TENM3: variants seen among roughly 807,000 people sequenced by gnomAD.
The protein encoded by TENM3 is teneurin-3.
Under a neutral mutation model 255.1 loss-of-function variants are expected in TENM3, and 63 were observed. The ratio of observed to expected loss-of-function variants is 0.25; its 90% CI spans 0.20 to 0.30. The LOEUF (loss-of-function observed/expected upper bound fraction) is 0.30. TENM3 is among the 10% of genes least tolerant of loss of function. The pLI is 1.00. For synonymous variants in TENM3, 1,306 were observed against 1,322.3 expected, an observed-to-expected ratio of 0.99 and a Z score of 0.27; for missense variants, 2,929 against 3,461.1, an observed-to-expected ratio of 0.85 and a Z score of 3.86.
chr4:182,481,594 C>T (rs114309217), intron 3 of TENM3, among the ~76,000 whole-genome samples: 2,528 of 150,986 alleles, frequency 0.017, 94 homozygotes, highest in African/African-American at 0.058. Context: ...CAGGCGTTCA[C>T]GACCGGCCTG....
At chr4:181,579,384 T>A in the TENM3 span, among the ~76,000 whole-genome samples, 117 of 152,312 alleles carry the variant, frequency 7.7e-4, no homozygotes, top group South Asian at 2.3e-3. Context: ...CTAGCTCGAA[T>A]TTTGTAATTT....
chr4:182,368,638 G>A (rs538611039), intron 3 of TENM3, among the ~76,000 whole-genome samples: 2 of 152,294 alleles, frequency 1.3e-5, no homozygotes, highest in East Asian at 3.9e-4. Flanking sequence ...TGTTGTCATA[G>A]TTTCACCTGT....
the TENM3 span, among the ~76,000 whole-genome samples, chr4:181,834,652 A>G: frequency 6.6e-6 from 1 of 152,184 alleles, no homozygotes. Flanking sequence ...CCAACCTGAG[A>G]GTGATCCTGT....
At chr4:181,547,214 A>T in the TENM3 span, among the ~76,000 whole-genome samples, 1 of 152,212 alleles carries the variant, frequency 6.6e-6, no homozygotes, top group Non-Finnish European at 1.5e-5. Context: ...ACCATAATTA[A>T]TATCTTCAGA....
intron 24 of TENM3, among the ~76,000 whole-genome samples, chr4:182,775,956 TGATA>T (rs60739992): frequency 0.011 from 1,660 of 151,130 alleles, 32 homozygotes; most frequent in African/African-American, 0.033. Flanking sequence ...GATATGTAGA[TGATA>T]GATAGATAGA....
intron 1 of TENM3, among the ~76,000 whole-genome samples, chr4:182,259,399 A>G (rs1758636883): frequency 6.6e-6 from 1 of 152,090 alleles, no homozygotes; most frequent in Non-Finnish European, 1.5e-5. Flanking sequence ...TGCAGCCTCA[A>G]CCTCTGGGCT....
At chr4:181,894,776 G>A in the TENM3 span, among the ~76,000 whole-genome samples, 5 of 151,770 alleles carry the variant, frequency 3.3e-5, no homozygotes, top group Non-Finnish European at 4.4e-5. Flanking sequence ...TCCAGCTTAC[G>A]ATAGAATGAT....
the TENM3 span, among the ~76,000 whole-genome samples, chr4:181,501,891 CGAGCCGGGACAT>C: frequency 1.6e-4 from 25 of 152,184 alleles, no homozygotes; most frequent in South Asian, 1.9e-3. Context: ...AGCTACAGGG[CGAGCCGGGACAT>C]AAGTCAGGAG....
the TENM3 span, among the ~76,000 whole-genome samples, chr4:181,734,752 C>T: frequency 6.6e-6 from 1 of 152,244 alleles, no homozygotes; most frequent in Middle Eastern, 3.4e-3. Context: ...ATAAGAGATA[C>T]AAGCCTTAGC....
the TENM3 span, among the ~76,000 whole-genome samples, chr4:182,071,999 G>A: frequency 0.71 from 108,155 of 152,110 alleles, 39,164 homozygotes; most frequent in East Asian, 0.87. Context: ...AACACATTGC[G>A]GAGAAATGTT....
chr4:182,159,596 C>T (rs1016870916), intron 1 of TENM3, among the ~76,000 whole-genome samples: 2 of 152,104 alleles, frequency 1.3e-5, no homozygotes. Context: ...TGTATTTGGC[C>T]TGTCACCTAG....
the TENM3 span, among the ~76,000 whole-genome samples, chr4:182,031,354 A>G: frequency 6.6e-6 from 1 of 152,202 alleles, no homozygotes; most frequent in Non-Finnish European, 1.5e-5. Flanking sequence ...GTTGAAAATC[A>G]GATGGTTGTA....
intron 1 of TENM3, among the ~76,000 whole-genome samples, chr4:182,304,558 T>A (rs1762033793): frequency 6.6e-6 from 1 of 152,070 alleles, no homozygotes; most frequent in Non-Finnish European, 1.5e-5. Context: ...CTCATCAAAG[T>A]TCACATCAAT....
At chr4:181,941,311 GT>G in the TENM3 span, among the ~76,000 whole-genome samples, 8,962 of 119,568 alleles carry the variant, frequency 0.075, 375 homozygotes, top group Middle Eastern at 0.18. Context: ...TTTGTTTGAT[GT>G]TTTTTTTTTT....
chr4:182,612,746 GACACACAC>G (rs34378103), intron 4 of TENM3, among the ~76,000 whole-genome samples: 1 of 150,756 alleles, frequency 6.6e-6, no homozygotes, highest in African/African-American at 2.4e-5. Flanking sequence ...AATACACACA[GACACACAC>G]ACACACACAC....
intron 1 of TENM3, among the ~76,000 whole-genome samples, chr4:182,303,897 C>G (rs531039461): frequency 6.6e-6 from 1 of 152,190 alleles, no homozygotes; most frequent in East Asian, 1.9e-4. Context: ...ATTTTTAATT[C>G]GAAGCTTTCC....
At chr4:182,755,693 A>T (rs1284412265) in intron 22 of TENM3, among the ~76,000 whole-genome samples, 1 of 151,850 alleles carries the variant, frequency 6.6e-6, no homozygotes, top group Non-Finnish European at 1.5e-5. Context: ...CAAAAAAAAT[A>T]GCCGGGCGTG....
chr4:181,674,466 C>A, the TENM3 span, among the ~76,000 whole-genome samples: 172 of 149,248 alleles, frequency 1.2e-3, 2 homozygotes, highest in East Asian at 0.013. Flanking sequence ...CTGAGTCAGA[C>A]AACATCAAAT....
chr4:181,889,764 A>G, the TENM3 span, among the ~76,000 whole-genome samples: 3 of 152,146 alleles, frequency 2.0e-5, no homozygotes, highest in Non-Finnish European at 4.4e-5. Flanking sequence ...TGGAAATCCT[A>G]ACATCCTCTA....
Sources: gnomAD v4.1 joint callset for allele counts (sites outside exome capture counted in the v4.1 genomes callset) on GRCh38, gnomAD v4.1.1 for gene constraint, MANE v1.5 for transcripts, NCBI Gene and HGNC (gene_info 2026-07-23, HGNC 2026-07-21) for gene names.